Variants in RNF169 observed in about 807,000 individuals in gnomAD.
RNF169 encodes E3 ubiquitin-protein ligase RNF169.
Under a neutral mutation model 53.9 loss-of-function variants are expected in RNF169, and 24 were observed. That is an observed-to-expected ratio of 0.45 (90% confidence interval 0.32 to 0.63). RNF169 has a LOEUF of 0.63. Among genes scored for constraint, RNF169 ranks in the 20% least tolerant of loss-of-function variants. The pLI is 0.04. For missense variants in RNF169, 883 were observed against 906.2 expected (o/e 0.97, Z 0.33); for synonymous variants, 396 against 363.5 (o/e 1.09, Z -1.02).
intron 2 of RNF169, 63 bp downstream of exon 2, chr11:74,789,762 C>CT: frequency 9.1e-7 from 1 of 1,096,626 alleles, no homozygotes; most frequent in South Asian, 1.4e-5. Flanking sequence ...TTAAAGAATG[C>CT]TTAGTGGGAG....
At chr11:74,750,588 CTTTTTTTTTTT>C (rs71036015) in intron 1 of RNF169, among the ~76,000 whole-genome samples, 2 of 54,542 alleles carry the variant, frequency 3.7e-5, no homozygotes, top group South Asian at 1.2e-3. Context: ...CTCCCCTCAC[CTTTTTTTTTTT>C]TTTTTTTTTT....
rs765789540 is a variant in RNF169, at chr11:74,810,286, A to G, written c.679A>G (p.Lys227Glu). ...ETGKRKMDEQ[K>E]KRDEPLVLKT... ...AGGGAAAAGGAAAATGGATGAACAGAAAAAAAGAGATGAACCATTAGTACT... is the reference window on the plus strand; with the variant it reads ...AGGGAAAAGGAAAATGGATGAACAGGAAAAAAGAGATGAACCATTAGTACT... The change falls in exon 3 of 6, where the codon AAA (lysine) becomes GAA (glutamate). Residue 227 changes from lysine (K) to glutamate (E), a missense_variant. Physicochemically the swap from Lys to Glu is moderately conservative, Grantham distance 56. Around this residue, in one of 3 missense-constraint regions of RNF169, gnomAD observed 219 missense variants for 289.1 expected, o/e 0.76. Transcript: ENST00000299563. The G allele has an allele frequency of 4.0e-5, 64 of 1,613,228 alleles. No individual in the cohort carries two copies. The highest frequency in any genetic ancestry group is 5.3e-5 in the Non-Finnish European group (63 of 1,179,434).
intron 2 of RNF169, among the ~76,000 whole-genome samples, chr11:74,797,384 A>T (rs571894320): frequency 2.2e-4 from 33 of 152,132 alleles, no homozygotes; most frequent in Non-Finnish European, 4.3e-4. Flanking sequence ...TCTTATTTTT[A>T]TTTATTTATT....
At chr11:74,799,260 A>G (rs570514154) in intron 2 of RNF169, among the ~76,000 whole-genome samples, 55 of 152,208 alleles carry the variant, frequency 3.6e-4, no homozygotes, top group African/African-American at 1.2e-3. Flanking sequence ...TGTGGTATTA[A>G]GGAGAAGGAA....
intron 1 of RNF169, among the ~76,000 whole-genome samples, chr11:74,774,464 C>T (rs1456039306): frequency 6.6e-6 from 1 of 151,806 alleles, no homozygotes; most frequent in African/African-American, 2.4e-5. Flanking sequence ...TTTAAAGTTC[C>T]CTAGTTTTTA....
At chr11:74,794,825 T>TTC (rs1262017683) in intron 2 of RNF169, among the ~76,000 whole-genome samples, 1 of 152,192 alleles carries the variant, frequency 6.6e-6, no homozygotes, top group Admixed American at 6.5e-5. Context: ...AAGAGAGATA[T>TTC]TCTCTCTCTC....
At chr11:74,806,824 G>T (rs1469891157) in intron 2 of RNF169, among the ~76,000 whole-genome samples, 2 of 151,994 alleles carry the variant, frequency 1.3e-5, no homozygotes, top group Non-Finnish European at 2.9e-5. Flanking sequence ...CATAAGGGCT[G>T]TATTGGTAAT....
At position 74,748,856 on chromosome 11, in the gene RNF169, ACT is replaced by A. The variant is rs2034833164; in HGVS notation, c.-21_-20del. The A allele has an allele frequency of 7.3e-7, 1 of 1,379,022 alleles. No individual in the cohort carries two copies. Among genetic ancestry groups the A allele is most frequent in the African/African-American group, 1.5e-5 (1 of 65,912 alleles). 85.4% of individuals were successfully genotyped at this position (1,379,022 alleles called of 1,614,324 possible). A position where few individuals can be genotyped will look rare whatever the true frequency, so the allele number is the denominator to read the frequency against. Reference sequence around the variant, plus strand: ...CCTCCACTCTTCTCCCTCGCAACCGACTCTCCCTTCAAACGGGAAACAAGATG... The same window carrying A: ...CCTCCACTCTTCTCCCTCGCAACCGACTCCCTTCAAACGGGAAACAAGATG... On this transcript the variant is annotated 5_prime_UTR_variant, in exon 1 of 6. Coordinates refer to ENST00000299563, the MANE Select transcript of RNF169 (RefSeq NM_001098638.2).
At chr11:74,821,737 GTAGTTCCT>G (rs1157368904) in intron 4 of RNF169, among the ~76,000 whole-genome samples, 1 of 151,744 alleles carries the variant, frequency 6.6e-6, no homozygotes, top group Non-Finnish European at 1.5e-5. Flanking sequence ...AAATACATGA[GTAGTTCCT>G]TAGGGCTGGA....
At chr11:74,777,779 C>T (rs575427287) in intron 1 of RNF169, among the ~76,000 whole-genome samples, 32 of 151,966 alleles carry the variant, frequency 2.1e-4, no homozygotes, top group Middle Eastern at 3.2e-3. Context: ...CAAATATGCA[C>T]CACCATGCTT....
chr11:74,814,449 A>G (rs1591423008), intron 3 of RNF169, among the ~76,000 whole-genome samples: 1 of 137,530 alleles, frequency 7.3e-6, no homozygotes, highest in Non-Finnish European at 1.5e-5. Flanking sequence ...TGGTGTGATC[A>G]TAGTTCACTG....
rs781114413 is a variant in RNF169 at position 74,836,467 on chromosome 11, C to A, written c.1864C>A (p.Arg622=). The change falls in exon 6 of 6, where the codon CGG becomes AGG. Residue 622 remains arginine, a synonymous_variant. Coordinates refer to ENST00000299563, the MANE Select transcript of RNF169 (RefSeq NM_001098638.2). The part of the protein sequence containing the change: ...EEPLPSLRRG[R]KRHCKTKHLE... ...GCCACTTCCTTCTTTGCGTCGAGGCCGGAAAAGACACTGCAAGACCAAGCA... is the reference window on the plus strand; with the variant it reads ...GCCACTTCCTTCTTTGCGTCGAGGCAGGAAAAGACACTGCAAGACCAAGCA... The A allele has an allele frequency of 6.2e-7, 1 of 1,614,136 alleles. No homozygotes were observed. Among genetic ancestry groups the A allele is most frequent in the Admixed American group, 1.7e-5 (1 of 60,016 alleles).
chr11:74,784,621 TG>T (rs879506810), intron 1 of RNF169, among the ~76,000 whole-genome samples: 3 of 152,206 alleles, frequency 2.0e-5, no homozygotes, highest in Admixed American at 1.3e-4. Context: ...ACTTAGTGAT[TG>T]GGGTTTATAT....
intron 4 of RNF169, among the ~76,000 whole-genome samples, chr11:74,825,936 C>G (rs2036089018): frequency 6.6e-6 from 1 of 152,100 alleles, no homozygotes; most frequent in Admixed American, 6.5e-5. Flanking sequence ...CCTCAGGAAA[C>G]TTACAATCAT....
intron 2 of RNF169, among the ~76,000 whole-genome samples, chr11:74,797,107 G>T (rs931449870): frequency 2.0e-5 from 3 of 152,182 alleles, no homozygotes; most frequent in Non-Finnish European, 4.4e-5. Context: ...CTTAGCCAGA[G>T]AACAGACTAG....
intron 1 of RNF169, among the ~76,000 whole-genome samples, chr11:74,756,794 G>A (rs1011085954): frequency 6.6e-5 from 10 of 152,146 alleles, no homozygotes; most frequent in African/African-American, 2.4e-4. Context: ...CTGAATAATA[G>A]TGGACTTTGA....
intron 2 of RNF169, among the ~76,000 whole-genome samples, chr11:74,793,538 A>G (rs573267453): frequency 8.5e-5 from 13 of 152,300 alleles, no homozygotes; most frequent in African/African-American, 2.6e-4. Context: ...CCTAGATTCT[A>G]TTACCTGTGG....
chr11:74,772,559 T>C (rs1488522326), intron 1 of RNF169, among the ~76,000 whole-genome samples: 4 of 151,144 alleles, frequency 2.6e-5, no homozygotes, highest in Admixed American at 1.3e-4. Context: ...GTGAGTTGCA[T>C]AGCCAACTGC....
intron 1 of RNF169, among the ~76,000 whole-genome samples, chr11:74,763,756 G>C (rs1475713792): frequency 6.6e-6 from 1 of 152,214 alleles, no homozygotes; most frequent in Non-Finnish European, 1.5e-5. Context: ...AGGAGATGTG[G>C]AATTTGAAGA....
Sources: allele counts gnomAD v4.1 joint callset (sites outside exome capture counted in the v4.1 genomes callset), GRCh38; gene constraint gnomAD v4.1.1; regional missense constraint gnomAD v4.1.1; transcripts MANE v1.5; gene names NCBI Gene and HGNC (gene_info 2026-07-23, HGNC 2026-07-21).